The following GLI2 variants were observed in gnomAD, a reference collection of about 807,000 sequenced individuals.
GLI2 encodes GLI family zinc finger 2, also known as transcription activator GLI2.
A neutral mutation model predicts 78.9 loss-of-function variants in GLI2; 22 were observed. The observed-to-expected ratio is 0.28, with a 90% CI of 0.20 to 0.40. The LOEUF is 0.40. Ranked by LOEUF, GLI2 falls within the 10% of genes least tolerant of loss-of-function variation. The pLI, the probability that GLI2 is intolerant of heterozygous loss-of-function variation, is 1.00. For missense variants in GLI2, 2,097 were observed against 2,213.2 expected (o/e 0.95, Z 1.05); for synonymous variants, 974 against 963.7 (o/e 1.01, Z -0.20).
intron 1 of GLI2, among the ~76,000 whole-genome samples, chr2:120,770,205 C>T (rs1683484308): frequency 6.6e-6 from 1 of 152,220 alleles, no homozygotes; most frequent in Non-Finnish European, 1.5e-5. Context: ...CAAACACAAA[C>T]ACATCCACTG....
At chr2:120,895,536 C>T (rs1677900447) in intron 2 of GLI2, among the ~76,000 whole-genome samples, 1 of 152,060 alleles carries the variant, frequency 6.6e-6, no homozygotes, top group Non-Finnish European at 1.5e-5. Flanking sequence ...AACGCCATGT[C>T]TACTAAAAAT....
At chr2:120,896,904 C>A (rs966152439) in intron 2 of GLI2, among the ~76,000 whole-genome samples, 11 of 151,756 alleles carry the variant, frequency 7.2e-5, no homozygotes, top group Non-Finnish European at 8.8e-5. Context: ...CAGGGCTGAA[C>A]AAAAAGTGGC....
At chr2:120,963,734 C>G (rs1406678181) in intron 5 of GLI2, among the ~76,000 whole-genome samples, 1 of 152,252 alleles carries the variant, frequency 6.6e-6, no homozygotes, top group South Asian at 2.1e-4. Context: ...GGCATAGGCC[C>G]TGTGGCAGGT....
chr2:120,739,300 G>A (rs545565800), intron 1 of GLI2, among the ~76,000 whole-genome samples: 12 of 152,192 alleles, frequency 7.9e-5, no homozygotes, highest in African/African-American at 2.9e-4. Context: ...GGTACTCCAC[G>A]GGAAAACTTC....
At chr2:120,948,800 G>T (rs549195097) in intron 3 of GLI2, among the ~76,000 whole-genome samples, 2 of 152,298 alleles carry the variant, frequency 1.3e-5, no homozygotes, top group East Asian at 3.9e-4. Flanking sequence ...AACAAGCCAC[G>T]TAGGGCCACC....
rs944901319 is a variant in GLI2 at position 120,830,029 on chromosome 2, C to G, written c.148+32561C>G. Among the ~76,000 whole-genome samples the G allele has an allele frequency of 8.5e-5, 13 of 152,250 alleles. No homozygotes were observed. In the East Asian group the frequency reaches 2.5e-3, roughly 29 times the overall value. ...TTCCTTAGAAGAGGTGGCTTTTGAG[C>G]AGAAGCGCCTTGGGTGAAAAGTGTA... On this transcript the variant is annotated intron_variant, in intron 2 of 13. Coordinates refer to ENST00000361492, the MANE Select transcript of GLI2 (RefSeq NM_001374353.1).
At chr2:120,926,136 G>GAA (rs551301616) in intron 2 of GLI2, among the ~76,000 whole-genome samples, 1 of 94,670 alleles carries the variant, frequency 1.1e-5, no homozygotes, top group East Asian at 3.6e-4. Context: ...TTTACTGCAA[G>GAA]AAAAAAAAAA....
At chr2:120,942,401 T>C (rs1326623619) in intron 3 of GLI2, among the ~76,000 whole-genome samples, 1 of 152,154 alleles carries the variant, frequency 6.6e-6, no homozygotes, top group Non-Finnish European at 1.5e-5. Flanking sequence ...TTCCCTGTAG[T>C]CTCTGTCTCC....
chr2:120,869,546 G>A (rs988048885), intron 2 of GLI2, among the ~76,000 whole-genome samples: 1 of 152,136 alleles, frequency 6.6e-6, no homozygotes. Context: ...CTCCACTTGG[G>A]TCCAGCATTC....
In GLI2 at chr2:120,986,614, G is replaced by A. The variant is rs374074240; in HGVS notation, c.2242G>A (p.Gly748Ser). 6.2e-7 allele frequency: 1 copy of A among 1,613,534 alleles called. No homozygotes were observed. The highest frequency in any genetic ancestry group is 1.1e-5 in the South Asian group (1 of 91,038). Residue 748 changes from glycine to serine, a missense_variant and splice_region_variant, in exon 13 of 14, where the codon GGC becomes AGC. Around this residue, in one of 5 missense-constraint regions of GLI2, gnomAD observed 1,290 missense variants for 1,261.7 expected, o/e 1.02. Transcript: ENST00000361492. The stretch of plus-strand genomic sequence containing the variant: ...CAAGCTGCCTCCCCTCCCGGGAAGT[G>A]GTGAGTAAAGGCCTGGGGTTTGCAG... ...NTKLPPLPGSGSILENFSGSG... is the reference protein window; with the variant it reads ...NTKLPPLPGSSSILENFSGSG...
At position 120,955,426 on chromosome 2, in the gene GLI2, G is replaced by A. The variant is rs1484763196; in HGVS notation, c.639G>A (p.Val213=). The change falls in exon 5 of 14, where the codon GTG becomes GTA. Residue 213 remains valine (V), a synonymous_variant. Transcript: ENST00000361492. ...APHLHDYLNP[V]DVSRFSSPRV... is the part of the protein sequence containing the mutation. ...ATCTCCACGACTACCTCAACCCCGT[G>A]GACGGTGAGTGCTGGCCCCCAGGGG... 1.9e-6 allele frequency: 3 copies of A among 1,598,078 alleles called. No homozygotes were observed. The highest frequency in any genetic ancestry group is 2.6e-6 in the Non-Finnish European group (3 of 1,169,414).
intron 2 of GLI2, among the ~76,000 whole-genome samples, chr2:120,849,441 GTGATGATGATGATGATGATCA>G (rs1477804090): frequency 9.9e-4 from 151 of 152,184 alleles, no homozygotes; most frequent in African/African-American, 3.5e-3. Flanking sequence ...TATGCCAATA[GTGATGATGATGATGATGATCA>G]TGATGATGAT....
intron 2 of GLI2, among the ~76,000 whole-genome samples, chr2:120,845,086 A>C (rs1436744609): frequency 6.6e-6 from 1 of 152,126 alleles, no homozygotes; most frequent in African/African-American, 2.4e-5. Flanking sequence ...CAGTCTGGCC[A>C]GCATGGTAAA....
intron 2 of GLI2, among the ~76,000 whole-genome samples, chr2:120,814,763 G>A (rs970413511): frequency 2.0e-5 from 3 of 152,128 alleles, no homozygotes; most frequent in Admixed American, 1.3e-4. Flanking sequence ...GAACAGTTTT[G>A]GGATTCCTGC....
At chr2:120,981,933 CTCTATGGAGCTGGTAT>C (rs1433240247) in intron 10 of GLI2, among the ~76,000 whole-genome samples, 1 of 152,126 alleles carries the variant, frequency 6.6e-6, no homozygotes, top group Non-Finnish European at 1.5e-5. Flanking sequence ...AAGATTCCTG[CTCTATGGAGCTGGTAT>C]TCTAGTAAGA....
intron 2 of GLI2, among the ~76,000 whole-genome samples, chr2:120,861,160 A>G (rs551230933): frequency 6.6e-6 from 1 of 152,300 alleles, no homozygotes; most frequent in South Asian, 2.1e-4. Context: ...CAGGTGAGGA[A>G]CCCGAGTTTC....
chr2:120,858,410 G>C (rs2069718779), intron 2 of GLI2, among the ~76,000 whole-genome samples: 1 of 152,208 alleles, frequency 6.6e-6, no homozygotes, highest in Non-Finnish European at 1.5e-5. Context: ...CTACTTTGTT[G>C]AGTTAAAATG....
At chr2:120,929,152 G>A (rs1319032810) in intron 3 of GLI2, among the ~76,000 whole-genome samples, 1 of 152,050 alleles carries the variant, frequency 6.6e-6, no homozygotes, top group Non-Finnish European at 1.5e-5. Flanking sequence ...GATGACATTC[G>A]GATCATGCGT....
At chr2:120,903,738 T>C (rs539446624) in intron 2 of GLI2, among the ~76,000 whole-genome samples, 1 of 152,168 alleles carries the variant, frequency 6.6e-6, no homozygotes, top group Admixed American at 6.5e-5. Context: ...AACATCTGGG[T>C]GGTGACAGCC....
Sources: gnomAD v4.1 joint callset for allele counts (sites outside exome capture counted in the v4.1 genomes callset) on GRCh38, gnomAD v4.1.1 for gene constraint, gnomAD v4.1.1 regional missense constraint, MANE v1.5 for transcripts, NCBI Gene and HGNC (gene_info 2026-07-23, HGNC 2026-07-21) for gene names.